TMTC1: variants seen among roughly 807,000 people sequenced by gnomAD.
TMTC1 encodes protein O-mannosyl-transferase TMTC1.
Under a neutral mutation model 104.8 loss-of-function variants are expected in TMTC1, and 73 were observed. The ratio of observed to expected loss-of-function variants is 0.70; its 90% CI spans 0.58 to 0.85. TMTC1 has a LOEUF of 0.85. Among genes scored for constraint, TMTC1 ranks in the 40% least tolerant of loss-of-function variants. TMTC1 has a pLI of 0.00. For missense variants in TMTC1, 1,035 were observed against 1,096.1 expected (o/e 0.94, Z 0.79); for synonymous variants, 434 against 428.7 (o/e 1.01, Z -0.15).
At chr12:29,623,486 A>G (rs1937785931) in intron 6 of TMTC1, among the ~76,000 whole-genome samples, 1 of 152,226 alleles carries the variant, frequency 6.6e-6, no homozygotes, top group African/African-American at 2.4e-5. Flanking sequence ...ATAAGCATAT[A>G]TCTTGCCCAA....
chr12:29,660,027 T>G, intron 5 of TMTC1: 1 of 1,447,970 alleles, frequency 6.9e-7, no homozygotes, highest in Non-Finnish European at 9.3e-7. Flanking sequence ...ACCAATAATC[T>G]CCACCCTTTT....
intron 5 of TMTC1, among the ~76,000 whole-genome samples, chr12:29,723,226 A>T (rs557347444): frequency 6.6e-6 from 1 of 152,144 alleles, no homozygotes; most frequent in Non-Finnish European, 1.5e-5. Context: ...ATTAATGTCA[A>T]TTCTCCCAAC....
Position 29,660,036 on chromosome 12 carries a change from T to G in TMTC1, c.939-26700A>C. On this transcript the variant is annotated intron_variant, in intron 5 of 17. Transcript: ENST00000539277. The stretch of plus-strand genomic sequence containing the variant: ...ATTGCCACCAATAATCTCCACCCTT[T>G]TTGCAGGTGCATTCTGTTCCTCTAA... 3 of 1,371,664 alleles carry G rather than the reference T, an allele frequency of 2.2e-6. No homozygotes were observed. The South Asian group carries it at 3.8e-5, about 17-fold the overall frequency. 85.0% of individuals were successfully genotyped at this position (1,371,664 alleles called of 1,614,324 possible). A position where few individuals can be genotyped will look rare whatever the true frequency, so the allele number is the denominator to read the frequency against.
chr12:29,561,613 G>T (rs1187415789), intron 9 of TMTC1, among the ~76,000 whole-genome samples: 2 of 152,174 alleles, frequency 1.3e-5, no homozygotes, highest in Non-Finnish European at 1.5e-5. Flanking sequence ...AAGATCCATA[G>T]ACATAAGCTG....
chr12:29,551,086 C>T (rs887031815), intron 10 of TMTC1, among the ~76,000 whole-genome samples: 1 of 151,856 alleles, frequency 6.6e-6, no homozygotes, highest in African/African-American at 2.4e-5. Context: ...CAGGTCACTA[C>T]CACAGGGGTG....
intron 5 of TMTC1, among the ~76,000 whole-genome samples, chr12:29,642,076 A>C (rs1938878607): frequency 6.6e-6 from 1 of 152,172 alleles, no homozygotes. Flanking sequence ...CAAAGCCTCC[A>C]AGAAGTCTAG....
intron 5 of TMTC1, among the ~76,000 whole-genome samples, chr12:29,640,293 G>T (rs143592202): frequency 6.6e-6 from 1 of 152,116 alleles, no homozygotes; most frequent in Non-Finnish European, 1.5e-5. Context: ...GTGAGATCAC[G>T]GCAGACAGGA....
chr12:29,557,071 C>A, intron 9 of TMTC1, 71 bp from the exon 10 acceptor site: 2 of 1,551,926 alleles, frequency 1.3e-6, no homozygotes, highest in Non-Finnish European at 1.8e-6. Flanking sequence ...GCTTGTTCTT[C>A]TTCCCCCAAG....
chr12:29,778,399 T>A (rs1419292660), intron 1 of TMTC1, among the ~76,000 whole-genome samples: 6 of 152,226 alleles, frequency 3.9e-5, no homozygotes, highest in African/African-American at 1.4e-4. Context: ...AAAAGCTAAG[T>A]TTATTTTAAA....
At chr12:29,644,038 T>C (rs1939124355) in intron 5 of TMTC1, among the ~76,000 whole-genome samples, 1 of 112,024 alleles carries the variant, frequency 8.9e-6, no homozygotes, top group South Asian at 2.5e-4. Context: ...AATATAAATA[T>C]ATAATTTATA....
At chr12:29,644,938 A>G (rs1421160441) in intron 5 of TMTC1, among the ~76,000 whole-genome samples, 1 of 152,102 alleles carries the variant, frequency 6.6e-6, no homozygotes, top group African/African-American at 2.4e-5. Flanking sequence ...CAAGCCTTCC[A>G]TATCATCCCT....
At chr12:29,508,264 T>A (rs1488114743) in intron 17 of TMTC1, among the ~76,000 whole-genome samples, 1 of 152,238 alleles carries the variant, frequency 6.6e-6, no homozygotes, top group Non-Finnish European at 1.5e-5. Flanking sequence ...TTAAACAGAT[T>A]GCTGAACAAG....
At chr12:29,746,255 A>AT in intron 5 of TMTC1, among the ~76,000 whole-genome samples, 1 of 152,258 alleles carries the variant, frequency 6.6e-6, no homozygotes, top group Non-Finnish European at 1.5e-5. Flanking sequence ...CAGTCATTTC[A>AT]TTTTTGAAAG....
At chr12:29,765,132 A>C (rs73281235) in intron 2 of TMTC1, among the ~76,000 whole-genome samples, 4,522 of 152,270 alleles carry the variant, frequency 0.03, 181 homozygotes, top group African/African-American at 0.1. Flanking sequence ...TAGTAGTAGT[A>C]GTCTTTGATT....
intron 5 of TMTC1, among the ~76,000 whole-genome samples, chr12:29,699,649 C>CTTTTT (rs71444337): frequency 3.0e-4 from 26 of 86,876 alleles, no homozygotes; most frequent in East Asian, 7.1e-4. Context: ...TCATCTGGTG[C>CTTTTT]TTTTTTTTTT....
chr12:29,692,498 A>G lies in TMTC1; in HGVS notation c.939-59162T>C, dbSNP rs1941295481. Among the ~76,000 whole-genome samples the G allele has an allele frequency of 1.4e-5, 2 of 145,202 alleles. 1 individual carries two copies. Among genetic ancestry groups the G allele is most frequent in the South Asian group, 4.4e-4 (2 of 4,576 alleles). Reference sequence around the variant, plus strand: ...GCCATAATCAAAGAGGTAGACAATAAGGAGTACTGGTGAAAATGTGGGGAA... The same window carrying G: ...GCCATAATCAAAGAGGTAGACAATAGGGAGTACTGGTGAAAATGTGGGGAA... On this transcript the variant is annotated intron_variant, in intron 5 of 17. Coordinates refer to ENST00000539277, the MANE Select transcript of TMTC1 (RefSeq NM_001193451.2).
intron 5 of TMTC1, among the ~76,000 whole-genome samples, chr12:29,684,689 T>G (rs184065673): frequency 1.2e-3 from 178 of 152,294 alleles, no homozygotes; most frequent in African/African-American, 4.2e-3. Context: ...CAGAACTGGA[T>G]GTAAATATTG....
chr12:29,684,114 G>A (rs962780991), intron 5 of TMTC1, among the ~76,000 whole-genome samples: 15 of 152,302 alleles, frequency 9.8e-5, no homozygotes, highest in Middle Eastern at 3.4e-3. Context: ...AAAGTGCTGC[G>A]ATTACAGGCA....
At chr12:29,561,438 G>A (rs756937263) in intron 9 of TMTC1, among the ~76,000 whole-genome samples, 3 of 152,100 alleles carry the variant, frequency 2.0e-5, no homozygotes, top group Non-Finnish European at 1.5e-5. Flanking sequence ...TGGCTACTCA[G>A]AATCTTCACT....
Sources: allele counts gnomAD v4.1 joint callset (sites outside exome capture counted in the v4.1 genomes callset), GRCh38; gene constraint gnomAD v4.1.1; transcripts MANE v1.5; gene names NCBI Gene and HGNC (gene_info 2026-07-23, HGNC 2026-07-21).